STRN: variants seen among roughly 807,000 people sequenced by gnomAD.
STRN encodes the protein protein phosphatase 2 regulatory subunit B'''alpha.
Under a neutral mutation model 96.3 loss-of-function variants are expected in STRN, and 53 were observed. The ratio of observed to expected loss-of-function variants is 0.55; its 90% confidence interval spans 0.44 to 0.69. The LOEUF is 0.69. STRN is among the 30% of genes least tolerant of loss of function. The probability of loss-of-function intolerance (pLI) is 0.00; values close to 1 mark genes in which losing one functional copy is unlikely to be tolerated. For synonymous variants in STRN, 428 were observed against 355.9 expected, an observed-to-expected ratio of 1.20 and a Z score of -2.28; for missense variants, 987 against 963.9, an observed-to-expected ratio of 1.02 and a Z score of -0.32.
chr2:36,912,180 C>T (rs965175995), intron 3 of STRN, among the ~76,000 whole-genome samples: 2 of 152,178 alleles, frequency 1.3e-5, no homozygotes, highest in African/African-American at 2.4e-5. Context: ...CTTCCTATTT[C>T]GAGTATCTCT....
rs1572663810 is a variant in STRN at position 36,905,592 on chromosome 2, G to C, written c.439C>G (p.Pro147Ala). Reference protein sequence around the residue: ...SDEGNETEVQPQQNSQLMWKQ... With the variant: ...SDEGNETEVQAQQNSQLMWKQ... ...CACATTAACTGGCTGTTTTGTTGTG[G>C]CTGCACTTCTGTTTCATTACCTTCA... The change falls in exon 4 of 18, where the codon CCA (proline) becomes GCA (alanine). Residue 147 changes from proline to alanine, a missense_variant. Transcript: ENST00000263918. The C allele has an allele frequency of 6.2e-7, 1 of 1,613,176 alleles. No individual in the cohort carries two copies. The highest frequency in any genetic ancestry group is 1.3e-5 in the African/African-American group (1 of 74,996).
At chr2:36,894,727 G>C (rs189584136) in intron 6 of STRN, among the ~76,000 whole-genome samples, 1 of 152,136 alleles carries the variant, frequency 6.6e-6, no homozygotes, top group African/African-American at 2.4e-5. Context: ...TAACATGATA[G>C]GATCAAATGT....
intron 4 of STRN, 84 bp downstream of exon 4, chr2:36,905,456 G>T: frequency 8.2e-7 from 1 of 1,222,018 alleles, no homozygotes; most frequent in South Asian, 1.2e-5. Context: ...ATATTCATCT[G>T]ACTTGAAAAT....
In STRN at chr2:36,922,919, G is replaced by A. The variant is rs200968606; in HGVS notation, c.338+2186C>T. Among the ~76,000 whole-genome samples, 24 of 152,238 alleles carry A rather than the reference G, an allele frequency of 1.6e-4. No homozygotes were observed. In the East Asian group the frequency reaches 2.7e-3, roughly 17 times the overall value. On this transcript the variant is annotated intron_variant, in intron 2 of 17. Coordinates refer to ENST00000263918, the MANE Select transcript of STRN (RefSeq NM_003162.4). ...AGCACTTTGGGAGGCTGAGGCAGGC[G>A]GATCACGAAGTCAAGAGATCGAGAC... is the stretch of plus-strand genomic sequence containing the variant.
Position 36,851,025 on chromosome 2 carries a change from GTGCC to G in STRN, c.2057_2060del (p.Arg686ThrfsTer12), listed in dbSNP as rs1446035794. 1 of 1,610,560 alleles carries G rather than the reference GTGCC, an allele frequency of 6.2e-7. No homozygotes were observed. Among genetic ancestry groups the G allele is most frequent in the Non-Finnish European group, 8.5e-7 (1 of 1,178,246 alleles). On this transcript the variant is annotated frameshift_variant, in exon 16 of 18. Transcript: ENST00000263918. LOFTEE classifies it high-confidence loss of function. Reference sequence around the variant, plus strand: ...CTGTATTGTTATCATAGAATTTGATGTGCCTGTCTTCATGAGCAGTGATGCTGAT... The same window carrying G: ...CTGTATTGTTATCATAGAATTTGATGTGTCTTCATGAGCAGTGATGCTGAT...
chr2:36,890,032 G>A (rs560962001), intron 7 of STRN, among the ~76,000 whole-genome samples: 11 of 152,154 alleles, frequency 7.2e-5, no homozygotes, highest in Non-Finnish European at 1.3e-4. Context: ...ACCAATCTCC[G>A]GTACCCTTGC....
In STRN at chr2:36,861,212, T is replaced by C. The variant is rs1005122473; in HGVS notation, c.1589A>G (p.Gln530Arg). The change falls in exon 13 of 18, where the codon CAG becomes CGG. Residue 530 changes from glutamine to arginine, a missense_variant. Coordinates refer to ENST00000263918, the MANE Select transcript of STRN (RefSeq NM_003162.4). ...LCVVMSSNGEQCYSGGTDGLI... is the reference protein window; with the variant it reads ...LCVVMSSNGERCYSGGTDGLI... ...TCCATCAGTACCACCACTGTAACACTGCTCACCATTGCTGCTCATTACCAC... is the reference window on the plus strand; with the variant it reads ...TCCATCAGTACCACCACTGTAACACCGCTCACCATTGCTGCTCATTACCAC... 9 of 1,614,050 alleles carry C rather than the reference T, an allele frequency of 5.6e-6. No individual in the cohort carries two copies. The South Asian group carries it at 8.8e-5, about 16-fold the overall frequency.
intron 6 of STRN, among the ~76,000 whole-genome samples, chr2:36,899,084 G>C (rs968733337): frequency 6.6e-6 from 1 of 152,152 alleles, no homozygotes; most frequent in African/African-American, 2.4e-5. Flanking sequence ...AAACAATTTT[G>C]AAGAACTCTA....
At chr2:36,933,256 G>C (rs1670620105) in intron 1 of STRN, among the ~76,000 whole-genome samples, 1 of 152,160 alleles carries the variant, frequency 6.6e-6, no homozygotes, top group Non-Finnish European at 1.5e-5. Context: ...ATGATTTAAA[G>C]TATATGGGAG....
chr2:36,861,214 C>T lies in STRN; in HGVS notation c.1587G>A (p.Glu529=). 6.2e-7 allele frequency: 1 copy of T among 1,614,042 alleles called. No individual in the cohort carries two copies. Among genetic ancestry groups the T allele is most frequent in the Non-Finnish European group, 8.5e-7 (1 of 1,179,954 alleles). Residue 529 remains glutamate (E), a synonymous_variant, in exon 13 of 18, where the codon GAG becomes GAA. Transcript: ENST00000263918. The part of the protein sequence containing the change: ...VLCVVMSSNG[E]QCYSGGTDGL... The stretch of plus-strand genomic sequence containing the variant: ...CATCAGTACCACCACTGTAACACTG[C>T]TCACCATTGCTGCTCATTACCACAC...
intron 6 of STRN, among the ~76,000 whole-genome samples, chr2:36,898,791 G>C (rs192437587): frequency 1.1e-4 from 16 of 152,174 alleles, no homozygotes; most frequent in Non-Finnish European, 2.1e-4. Flanking sequence ...ATGTGAAAGA[G>C]AAAATGCAAA....
chr2:36,925,916 C>T (rs1670397257), intron 1 of STRN, among the ~76,000 whole-genome samples: 1 of 152,076 alleles, frequency 6.6e-6, no homozygotes, highest in Non-Finnish European at 1.5e-5. Context: ...CTTATAATCC[C>T]CTTGCACAAG....
At chr2:36,892,494 T>C (rs182520769) in intron 7 of STRN, among the ~76,000 whole-genome samples, 2 of 152,352 alleles carry the variant, frequency 1.3e-5, no homozygotes, top group Non-Finnish European at 2.9e-5. Context: ...ATTTGGGACA[T>C]GTATCTTTTT....
chr2:36,876,969 C>T (rs527272979), intron 10 of STRN, among the ~76,000 whole-genome samples: 3 of 152,168 alleles, frequency 2.0e-5, no homozygotes, highest in East Asian at 1.9e-4. Flanking sequence ...AGGATGGTCC[C>T]GATCTCCTGA....
intron 1 of STRN, among the ~76,000 whole-genome samples, chr2:36,945,076 AAAAGT>A (rs1207371465): frequency 6.6e-6 from 1 of 152,232 alleles, no homozygotes; most frequent in African/African-American, 2.4e-5. Context: ...TCAAACAGTT[AAAAGT>A]AATGGATTTA....
At chr2:36,883,383 G>C (rs1415416334) in intron 9 of STRN, among the ~76,000 whole-genome samples, 1 of 152,128 alleles carries the variant, frequency 6.6e-6, no homozygotes, top group Non-Finnish European at 1.5e-5. Context: ...CTTGAACCTG[G>C]GAGGTGGAGG....
chr2:36,939,846 A>G (rs10209808), intron 1 of STRN, among the ~76,000 whole-genome samples: 13,158 of 152,308 alleles, frequency 0.086, 791 homozygotes, highest in African/African-American at 0.16. Context: ...TATTAAATCA[A>G]AAGTCATATA....
Position 36,851,206 on chromosome 2 carries a change from C to T in STRN, c.1979-99G>A, listed in dbSNP as rs547190328. On this transcript the variant is annotated intron_variant, in intron 15 of 17. Transcript: ENST00000263918. ...TATCTAAGAGACTGAAAAAGTAGGC[C>T]GGCCGCGGTGGCTCACGCCTGTAAT... 2.5e-5 allele frequency: 27 copies of T among 1,073,336 alleles called. No individual in the cohort carries two copies. In the Admixed American group the frequency reaches 2.8e-4, roughly 11 times the overall value. The allele number at this position is 1,073,336 out of a possible 1,614,324, so 66.5% of individuals were successfully genotyped here. A position where few individuals can be genotyped will look rare whatever the true frequency, so the allele number is the denominator to read the frequency against.
At chr2:36,934,192 A>C (rs1670645507) in intron 1 of STRN, among the ~76,000 whole-genome samples, 1 of 152,210 alleles carries the variant, frequency 6.6e-6, no homozygotes, top group African/African-American at 2.4e-5. Context: ...AGGACTAAGA[A>C]AATGGCAGCT....
Sources: allele counts gnomAD v4.1 joint callset (sites outside exome capture counted in the v4.1 genomes callset), GRCh38; gene constraint gnomAD v4.1.1; transcripts MANE v1.5; gene names NCBI Gene and HGNC (gene_info 2026-07-23, HGNC 2026-07-21).